The following CAMTA1 variants were observed in gnomAD, a reference collection of about 807,000 sequenced individuals.
CAMTA1 encodes calmodulin-binding transcription activator 1.
A neutral mutation model predicts 170.9 loss-of-function variants in CAMTA1; 27 were observed. The ratio of observed to expected loss-of-function variants is 0.16; its 90% CI spans 0.12 to 0.22. The LOEUF (loss-of-function observed/expected upper bound fraction) is 0.22, where lower values mean the gene tolerates loss of function less well. CAMTA1 is among the 10% of genes least tolerant of loss of function. CAMTA1 has a pLI of 1.00. For missense variants in CAMTA1, 1,619 were observed against 2,217.2 expected (o/e 0.73, Z 5.42); for synonymous variants, 833 against 891.5 (o/e 0.93, Z 1.17).
Position 6,796,286 on chromosome 1 carries a change from C to T in CAMTA1, c.45+10711C>T, listed in dbSNP as rs541948044. On this transcript the variant is annotated intron_variant, in intron 1 of 22. Coordinates refer to ENST00000303635, the MANE Select transcript of CAMTA1 (RefSeq NM_015215.4). The stretch of plus-strand genomic sequence containing the variant: ...ACAAGTAGCTGGGACTACAGGCACG[C>T]GCCACCATGCCTGGCTAATTTTTGT... 8.6e-5 allele frequency among the ~76,000 whole-genome samples: 13 copies of T among 151,788 alleles called. 1 individual carries two copies. The South Asian group carries it at 1.7e-3, about 19-fold the overall frequency.
At chr1:7,315,620 C>T (rs1375766156) in intron 5 of CAMTA1, among the ~76,000 whole-genome samples, 1 of 152,186 alleles carries the variant, frequency 6.6e-6, no homozygotes, top group Admixed American at 6.5e-5. Flanking sequence ...GCTGCCTTAA[C>T]AAAGGATTGC....
intron 6 of CAMTA1, among the ~76,000 whole-genome samples, chr1:7,623,767 G>C (rs1452928871): frequency 2.0e-5 from 3 of 152,194 alleles, no homozygotes; most frequent in African/African-American, 4.8e-5. Flanking sequence ...CGAGGTGCTG[G>C]GATTACAGAA....
At chr1:7,196,710 A>G (rs1331432993) in intron 4 of CAMTA1, among the ~76,000 whole-genome samples, 2 of 152,246 alleles carry the variant, frequency 1.3e-5, no homozygotes, top group Non-Finnish European at 2.9e-5. Flanking sequence ...TGGGTTCTAG[A>G]TACCTTAAAA....
At chr1:7,708,968 C>A (rs1293601364) in intron 11 of CAMTA1, among the ~76,000 whole-genome samples, 7 of 152,132 alleles carry the variant, frequency 4.6e-5, no homozygotes, top group African/African-American at 1.7e-4. Context: ...TCGTGTTTCA[C>A]CTGACTTTCA....
intron 4 of CAMTA1, among the ~76,000 whole-genome samples, chr1:7,163,186 G>A (rs544955205): frequency 6.6e-6 from 1 of 151,956 alleles, no homozygotes; most frequent in Admixed American, 6.5e-5. Flanking sequence ...TGATAGTCCT[G>A]GTGCCAAAGA....
At chr1:7,120,492 A>G (rs1224941000) in intron 4 of CAMTA1, among the ~76,000 whole-genome samples, 2 of 152,128 alleles carry the variant, frequency 1.3e-5, no homozygotes, top group East Asian at 1.9e-4. Flanking sequence ...CCAGCAGGGG[A>G]GAGAGAGCCT....
At chr1:6,997,656 C>CTTTTTTTTTTTTTTTTTTTTTTT (rs201500847) in intron 3 of CAMTA1, among the ~76,000 whole-genome samples, 3 of 128,412 alleles carry the variant, frequency 2.3e-5, no homozygotes, top group African/African-American at 6.6e-5. Context: ...CCTTTCTTTT[C>CTTTTTTTTTTTTTTTTTTTTTTT]TTTCTTTTTT....
At chr1:6,867,545 G>A (rs181384086) in intron 3 of CAMTA1, among the ~76,000 whole-genome samples, 36 of 152,286 alleles carry the variant, frequency 2.4e-4, no homozygotes, top group Non-Finnish European at 4.6e-4. Context: ...CCGGCCACTT[G>A]CGGGTGAGCT....
chr1:6,854,261 T>TA (rs887254039), intron 3 of CAMTA1, among the ~76,000 whole-genome samples: 54 of 152,350 alleles, frequency 3.5e-4, no homozygotes, highest in Admixed American at 2.0e-3. Flanking sequence ...TGTGTTTAGA[T>TA]ACAGATACCT....
intron 3 of CAMTA1, among the ~76,000 whole-genome samples, chr1:6,960,688 C>T (rs1020567761): frequency 3.3e-5 from 5 of 152,192 alleles, no homozygotes; most frequent in African/African-American, 1.2e-4. Flanking sequence ...AGCTAGACAG[C>T]GACTTCTCGA....
intron 5 of CAMTA1, among the ~76,000 whole-genome samples, chr1:7,422,434 G>T (rs539156341): frequency 6.6e-6 from 1 of 152,006 alleles, no homozygotes; most frequent in Non-Finnish European, 1.5e-5. Context: ...GACATAGCAG[G>T]AAAAAGGGCA....
chr1:7,765,623 A>G (rs1270226062), intron 22 of CAMTA1, among the ~76,000 whole-genome samples: 1 of 152,224 alleles, frequency 6.6e-6, no homozygotes, highest in African/African-American at 2.4e-5. Context: ...CAAAGTCTCC[A>G]CAAAACCTGT....
chr1:7,627,317 C>T (rs182869127), intron 6 of CAMTA1, among the ~76,000 whole-genome samples: 13 of 152,316 alleles, frequency 8.5e-5, no homozygotes, highest in South Asian at 4.1e-4. Context: ...CAAAGAATCA[C>T]GCTTCCCAAA....
intron 6 of CAMTA1, among the ~76,000 whole-genome samples, chr1:7,546,014 G>A (rs1262473504): frequency 1.3e-5 from 2 of 149,210 alleles, no homozygotes; most frequent in African/African-American, 4.9e-5. Context: ...GGAGTGCAGT[G>A]GCTCAATCTC....
At chr1:7,480,150 C>T (rs4908459) in intron 6 of CAMTA1, among the ~76,000 whole-genome samples, 76,325 of 139,778 alleles carry the variant, frequency 0.55, 19,686 homozygotes, top group African/African-American at 0.62. Context: ...CGCCTGTGTC[C>T]GTGTGGGTGC....
chr1:7,218,003 C>T (rs1055527570), intron 4 of CAMTA1, among the ~76,000 whole-genome samples: 12 of 152,148 alleles, frequency 7.9e-5, no homozygotes, highest in African/African-American at 2.2e-4. Flanking sequence ...CCTTCAGAGG[C>T]GCCTGTGGGT....
intron 3 of CAMTA1, among the ~76,000 whole-genome samples, chr1:6,865,057 G>C (rs2148932253): frequency 6.6e-6 from 1 of 152,248 alleles, no homozygotes; most frequent in African/African-American, 2.4e-5. Context: ...TTCCCTCCTT[G>C]GCCTCCCAAA....
At chr1:6,984,061 G>GAT in intron 3 of CAMTA1, among the ~76,000 whole-genome samples, 1 of 152,050 alleles carries the variant, frequency 6.6e-6, no homozygotes, top group African/African-American at 2.4e-5. Context: ...TGGATAAATG[G>GAT]GTGGGTGGAT....
intron 6 of CAMTA1, among the ~76,000 whole-genome samples, chr1:7,501,375 C>G (rs4908644): frequency 0.081 from 12,267 of 152,168 alleles, 848 homozygotes; most frequent in African/African-American, 0.18. Context: ...ACCAGATGTG[C>G]CCTCACAGCT....
Sources: gnomAD v4.1 joint callset for allele counts (sites outside exome capture counted in the v4.1 genomes callset) on GRCh38, gnomAD v4.1.1 for gene constraint, MANE v1.5 for transcripts, NCBI Gene and HGNC (gene_info 2026-07-23, HGNC 2026-07-21) for gene names.